DCAF8L2: variants seen among roughly 807,000 people sequenced by gnomAD.
DCAF8L2 encodes DDB1- and CUL4-associated factor 8-like protein 2.
For synonymous variants in DCAF8L2, 200 were observed against 190.9 expected, an observed-to-expected ratio of 1.05 and a Z score of -0.39; for missense variants, 430 against 490.7, an observed-to-expected ratio of 0.88 and a Z score of 1.17.
At chrX:27,635,786 CGTGTGTGT>C (rs754830405) in intron 2 of DCAF8L2, among the ~76,000 whole-genome samples, 71 of 90,410 alleles carry the variant, frequency 7.9e-4, no homozygotes, top group East Asian at 1.5e-3. Flanking sequence ...TTTCCTTTTA[CGTGTGTGT>C]GTGTGTGTGT....
intron 3 of DCAF8L2, among the ~76,000 whole-genome samples, chrX:27,699,968 A>G (rs5926862): frequency 0.51 from 56,185 of 110,292 alleles, 10,728 homozygotes; most frequent in African/African-American, 0.66. Flanking sequence ...CTAGGAGTTC[A>G]ACATCGAGAT....
At chrX:27,507,325 G>A in the DCAF8L2 span, among the ~76,000 whole-genome samples, 1 of 111,201 alleles carries the variant, frequency 9.0e-6, no homozygotes, top group African/African-American at 3.3e-5. Flanking sequence ...TTATTTTAGG[G>A]GTTCAAGGTG....
intron 2 of DCAF8L2, among the ~76,000 whole-genome samples, chrX:27,634,997 G>T (rs1434927397): frequency 9.6e-6 from 1 of 103,806 alleles, no homozygotes; most frequent in African/African-American, 3.6e-5. Flanking sequence ...TATAGAGAGA[G>T]AGAGAGAAAG....
At chrX:27,596,225 C>T (rs1263794499) in intron 1 of DCAF8L2, among the ~76,000 whole-genome samples, 1 of 111,576 alleles carries the variant, frequency 9.0e-6, no homozygotes, top group Non-Finnish European at 1.9e-5. Flanking sequence ...TATTTTCCTA[C>T]TGATTTTACT....
At chrX:27,523,849 T>A in the DCAF8L2 span, among the ~76,000 whole-genome samples, 1 of 110,709 alleles carries the variant, frequency 9.0e-6, no homozygotes, top group South Asian at 4.0e-4. Context: ...TTCCCACCTA[T>A]GAGTGAGAAC....
At chrX:27,656,881 G>C (rs1403027028) in intron 2 of DCAF8L2, among the ~76,000 whole-genome samples, 1 of 111,105 alleles carries the variant, frequency 9.0e-6, no homozygotes, top group East Asian at 2.8e-4. Flanking sequence ...GGTTAATACT[G>C]AGTGCCAACT....
chrX:27,524,483 C>T, the DCAF8L2 span, among the ~76,000 whole-genome samples: 1 of 110,900 alleles, frequency 9.0e-6, no homozygotes, highest in Non-Finnish European at 1.9e-5. Context: ...AAAACCAGCT[C>T]CTGGATTCAT....
the DCAF8L2 span, among the ~76,000 whole-genome samples, chrX:27,564,085 G>A: frequency 1.2e-4 from 13 of 111,821 alleles, no homozygotes; most frequent in African/African-American, 3.9e-4. Flanking sequence ...ATAAAGGAAA[G>A]AGGTTTAAAT....
chrX:27,583,014 C>G, the DCAF8L2 span, among the ~76,000 whole-genome samples: 1 of 111,513 alleles, frequency 9.0e-6, no homozygotes, highest in Non-Finnish European at 1.9e-5. Context: ...TTTTAGTATT[C>G]ATTATTGGAT....
At chrX:27,660,103 A>G (rs1305344797) in intron 2 of DCAF8L2, among the ~76,000 whole-genome samples, 1 of 110,143 alleles carries the variant, frequency 9.1e-6, no homozygotes, top group Non-Finnish European at 1.9e-5. Context: ...GCTCACTGCA[A>G]CCTCCGCCTC....
intron 3 of DCAF8L2, among the ~76,000 whole-genome samples, chrX:27,705,113 C>T (rs4466561): frequency 0.51 from 55,716 of 109,472 alleles, 10,733 homozygotes; most frequent in African/African-American, 0.67. Context: ...GCTCCCTCCA[C>T]GTTCCTGCAA....
the DCAF8L2 span, among the ~76,000 whole-genome samples, chrX:27,539,436 C>T: frequency 2.0e-4 from 22 of 110,925 alleles, no homozygotes; most frequent in African/African-American, 6.2e-4. Flanking sequence ...AAAGCAAAAA[C>T]TAGAGGGAGA....
At chrX:27,652,624 A>G (rs1929194367) in intron 2 of DCAF8L2, among the ~76,000 whole-genome samples, 1 of 112,318 alleles carries the variant, frequency 8.9e-6, no homozygotes. Context: ...TACCAAAGAA[A>G]AACCATTACT....
At chrX:27,722,542 A>G (rs745522229) in intron 4 of DCAF8L2, among the ~76,000 whole-genome samples, 4 of 111,415 alleles carry the variant, frequency 3.6e-5, no homozygotes, top group African/African-American at 9.7e-5. Context: ...TAATTAGTCA[A>G]AATTCAAAAT....
chrX:27,507,725 A>G, the DCAF8L2 span, among the ~76,000 whole-genome samples: 2 of 111,613 alleles, frequency 1.8e-5, no homozygotes, highest in African/African-American at 3.2e-5. Context: ...GATTATATTG[A>G]CACAATGCTC....
At chrX:27,691,459 C>T (rs1319632185) in intron 3 of DCAF8L2, among the ~76,000 whole-genome samples, 1 of 111,139 alleles carries the variant, frequency 9.0e-6, no homozygotes, top group East Asian at 2.8e-4. Flanking sequence ...TGTGCCACTG[C>T]TAGACTATTG....
At chrX:27,592,972 T>C (rs1926188696) in intron 1 of DCAF8L2, among the ~76,000 whole-genome samples, 1 of 110,588 alleles carries the variant, frequency 9.0e-6, no homozygotes, top group African/African-American at 3.3e-5. Flanking sequence ...CTAATTTTTG[T>C]ATTTTTAGTA....
the DCAF8L2 span, among the ~76,000 whole-genome samples, chrX:27,491,593 C>T: frequency 1.8e-5 from 2 of 112,163 alleles, no homozygotes; most frequent in Middle Eastern, 4.7e-3. Context: ...TTAGCTTGTC[C>T]GTTTCTGTAA....
chrX:27,500,506 AGATATATCAATTTTT>A, the DCAF8L2 span, among the ~76,000 whole-genome samples: 2 of 112,052 alleles, frequency 1.8e-5, no homozygotes, highest in African/African-American at 6.5e-5. Flanking sequence ...TCCAAGTAGT[AGATATATCAATTTTT>A]GTGACGATGA....
Sources: allele counts gnomAD v4.1 joint callset (sites outside exome capture counted in the v4.1 genomes callset), GRCh38; gene constraint gnomAD v4.1.1; transcripts MANE v1.5; gene names NCBI Gene and HGNC (gene_info 2026-07-23, HGNC 2026-07-21).